The following RNF182 variants were observed in gnomAD, a reference collection of about 807,000 sequenced individuals.
RNF182 encodes ring finger protein 182.
A neutral mutation model predicts 14.4 loss-of-function variants in RNF182; 15 were observed. That is an observed-to-expected ratio of 1.04 (90% CI 0.70 to 1.60). The LOEUF (loss-of-function observed/expected upper bound fraction) is 1.60, where lower values mean the gene tolerates loss of function less well. Ranked by LOEUF, RNF182 falls within the 40% of genes most tolerant of loss-of-function variation. RNF182 has a pLI of 0.00. For synonymous variants in RNF182, 128 were observed against 122.9 expected (o/e 1.04, Z -0.27); for missense variants, 268 against 294.8 (o/e 0.91, Z 0.67).
intron 1 of RNF182, among the ~76,000 whole-genome samples, chr6:13,939,622 C>A (rs1759235785): frequency 6.6e-6 from 1 of 152,076 alleles, no homozygotes. Context: ...GGGCTCGCTG[C>A]AAGCCCTGCC....
At chr6:13,944,911 G>A (rs909680507) in intron 1 of RNF182, among the ~76,000 whole-genome samples, 11 of 152,158 alleles carry the variant, frequency 7.2e-5, no homozygotes, top group African/African-American at 2.2e-4. Flanking sequence ...TTCCTCAGAA[G>A]TGATTTACAT....
chr6:13,941,799 A>T (rs1242302580), intron 1 of RNF182, among the ~76,000 whole-genome samples: 2 of 152,158 alleles, frequency 1.3e-5, no homozygotes, highest in African/African-American at 4.8e-5. Context: ...TAGTGTTATT[A>T]GAATACTTTG....
rs1392493097 is a variant in RNF182 at position 13,974,221 on chromosome 6, T to C, written c.-355T>C. The C allele has an allele frequency of 6.6e-6, 1 of 152,036 alleles. No homozygotes were observed. The highest frequency in any genetic ancestry group is 1.5e-5 in the Non-Finnish European group (1 of 68,014). 9.4% of individuals were successfully genotyped at this position (152,036 alleles called of 1,614,324 possible). ...TTCTGCCATTCCAGGAAGAAATACT[T>C]GTGTTGGCTGCATTTCCAGGGATGC... On this transcript the variant is annotated 5_prime_UTR_variant, in exon 2 of 3. Coordinates refer to ENST00000488300, the MANE Select transcript of RNF182 (RefSeq NM_152737.4).
chr6:13,958,153 C>T (rs1047170710), intron 1 of RNF182, among the ~76,000 whole-genome samples: 3 of 151,568 alleles, frequency 2.0e-5, no homozygotes, highest in East Asian at 1.9e-4. Context: ...GTTGGGAGGC[C>T]GAGGCAGGCA....
chr6:13,956,768 G>A (rs1054150936), intron 1 of RNF182, among the ~76,000 whole-genome samples: 1 of 152,152 alleles, frequency 6.6e-6, no homozygotes, highest in Non-Finnish European at 1.5e-5. Flanking sequence ...CAACGGCTGA[G>A]CTCTTTTTCT....
intron 1 of RNF182, among the ~76,000 whole-genome samples, chr6:13,939,957 T>C (rs1011452686): frequency 1.3e-5 from 2 of 152,250 alleles, no homozygotes; most frequent in African/African-American, 4.8e-5. Flanking sequence ...TCACTGTATG[T>C]GATGAATAAA....
chr6:13,949,863 C>A (rs936516907), intron 1 of RNF182, among the ~76,000 whole-genome samples: 4 of 152,046 alleles, frequency 2.6e-5, no homozygotes, highest in Non-Finnish European at 5.9e-5. Context: ...TCTAAGAAAA[C>A]CCTGTTGTGC....
chr6:13,931,719 A>G lies in RNF182; in HGVS notation c.-367+6696A>G, dbSNP rs545087554. ...CCTGGATTTGAATACTGCCTCTGCC[A>G]CCTTTTAGTGATACGACCTTGAGGT... On this transcript the variant is annotated intron_variant, in intron 1 of 2. Transcript: ENST00000488300. Among the ~76,000 whole-genome samples, 89 of 151,670 alleles carry G rather than the reference A, an allele frequency of 5.9e-4. 1 individual carries two copies. The South Asian group carries it at 0.017, about 29-fold the overall frequency.
At chr6:13,944,821 G>A (rs1010410630) in intron 1 of RNF182, among the ~76,000 whole-genome samples, 1 of 152,160 alleles carries the variant, frequency 6.6e-6, no homozygotes, top group Non-Finnish European at 1.5e-5. Context: ...GTGGAGTTGG[G>A]ATTCCAACCC....
At chr6:13,963,025 T>C (rs73364315) in intron 1 of RNF182, among the ~76,000 whole-genome samples, 9 of 152,342 alleles carry the variant, frequency 5.9e-5, no homozygotes, top group African/African-American at 2.2e-4. Flanking sequence ...CCTGACTTCT[T>C]ATGTAATCTT....
intron 1 of RNF182, among the ~76,000 whole-genome samples, chr6:13,967,854 C>T (rs940837208): frequency 3.3e-5 from 5 of 152,112 alleles, no homozygotes; most frequent in Admixed American, 2.6e-4. Flanking sequence ...GCCACCATGC[C>T]TGGCCCTGTA....
chr6:13,927,624 T>TAA, intron 1 of RNF182, among the ~76,000 whole-genome samples: 1 of 152,360 alleles, frequency 6.6e-6, no homozygotes, highest in East Asian at 1.9e-4. Context: ...AAGTTAGGAT[T>TAA]AACATTATGT....
At chr6:13,930,547 A>C (rs983928483) in intron 1 of RNF182, among the ~76,000 whole-genome samples, 1 of 152,240 alleles carries the variant, frequency 6.6e-6, no homozygotes, top group Non-Finnish European at 1.5e-5. Context: ...AGAACTCTGC[A>C]TGTCCCTCCT....
intron 1 of RNF182, among the ~76,000 whole-genome samples, chr6:13,944,917 T>C (rs972634567): frequency 6.6e-6 from 1 of 152,192 alleles, no homozygotes; most frequent in African/African-American, 2.4e-5. Context: ...AGAAGTGATT[T>C]ACATTAATAA....
At chr6:13,932,391 C>G (rs367715512) in intron 1 of RNF182, among the ~76,000 whole-genome samples, 6 of 152,122 alleles carry the variant, frequency 3.9e-5, no homozygotes, top group African/African-American at 1.4e-4. Context: ...TTCACTTTTT[C>G]TTTGACTAAA....
intron 1 of RNF182, among the ~76,000 whole-genome samples, chr6:13,952,174 A>C (rs978276336): frequency 2.0e-5 from 3 of 152,196 alleles, no homozygotes; most frequent in Non-Finnish European, 4.4e-5. Context: ...CGAGGAGCTC[A>C]GGGAGACCAG....
chr6:13,935,350 C>A (rs1317581828), intron 1 of RNF182, among the ~76,000 whole-genome samples: 1 of 151,298 alleles, frequency 6.6e-6, no homozygotes, highest in Non-Finnish European at 1.5e-5. Context: ...GTGTTGTATT[C>A]CCAGATGTAG....
At chr6:13,926,699 A>G (rs750806817) in intron 1 of RNF182, among the ~76,000 whole-genome samples, 3 of 152,172 alleles carry the variant, frequency 2.0e-5, no homozygotes, top group African/African-American at 7.2e-5. Flanking sequence ...CAAATAGGAT[A>G]TTGAAGCCTA....
At chr6:13,930,002 G>A (rs1319577108) in intron 1 of RNF182, among the ~76,000 whole-genome samples, 1 of 152,146 alleles carries the variant, frequency 6.6e-6, no homozygotes, top group Non-Finnish European at 1.5e-5. Flanking sequence ...TCCAAAGGTA[G>A]TTGTTCCTTA....
Sources: gnomAD v4.1 joint callset for allele counts (sites outside exome capture counted in the v4.1 genomes callset) on GRCh38, gnomAD v4.1.1 for gene constraint, MANE v1.5 for transcripts, NCBI Gene and HGNC (gene_info 2026-07-23, HGNC 2026-07-21) for gene names.